TDRD1: variants seen among roughly 807,000 people sequenced by gnomAD.
The protein encoded by TDRD1 is tudor domain containing 1.
In TDRD1, 37 loss-of-function variants were observed where a neutral mutation model predicts 140.6. The ratio of observed to expected loss-of-function variants is 0.26; its 90% confidence interval spans 0.20 to 0.35. The LOEUF (loss-of-function observed/expected upper bound fraction) is 0.35, where lower values mean the gene tolerates loss of function less well. Among genes scored for constraint, TDRD1 ranks in the 10% least tolerant of loss-of-function variants. The probability of loss-of-function intolerance (pLI) is 1.00; values close to 1 mark genes in which losing one functional copy is unlikely to be tolerated. For synonymous variants in TDRD1, 506 were observed against 475.7 expected (o/e 1.06, Z -0.83); for missense variants, 1,243 against 1,393.0 (o/e 0.89, Z 1.71).
intron 1 of TDRD1, among the ~76,000 whole-genome samples, chr10:114,183,028 T>C (rs2033216619): frequency 6.6e-6 from 1 of 152,180 alleles, no homozygotes; most frequent in African/African-American, 2.4e-5. Context: ...TAAAGCACCA[T>C]GGTGGATATT....
rs1294983013 is a variant in TDRD1, at chr10:114,218,539, A to G, written c.2449A>G (p.Thr817Ala). 1.9e-6 allele frequency: 3 copies of G among 1,611,906 alleles called. No homozygotes were observed. In the African/African-American group the frequency reaches 4.0e-5, roughly 22 times the overall value. ...AGATGAACTCCGAATGATATCATCA[A>G]CATTTTTAAACCTTCCCTTTCAGGG... is the stretch of plus-strand genomic sequence containing the variant. The change falls in exon 18 of 26, where the codon ACA (threonine) becomes GCA (alanine). Residue 817 changes from threonine to alanine, a missense_variant. By Grantham distance (58) the Thr-to-Ala change is moderately conservative (BLOSUM62 0). Coordinates refer to ENST00000251864, the Ensembl canonical transcript of TDRD1.
chr10:114,203,172 T>A (rs1230514288), exon 7 of TDRD1: 2 of 1,607,308 alleles, frequency 1.2e-6, no homozygotes, highest in Non-Finnish European at 1.7e-6. Flanking sequence ...ACCATGGAAA[T>A]AAAGGTATTT....
chr10:114,206,301 A>C, exon 11 of TDRD1: 1 of 1,613,504 alleles, frequency 6.2e-7, no homozygotes, highest in Non-Finnish European at 8.5e-7. Context: ...CCCAGTGGAC[A>C]AGATTCTAAG....
rs938140798 is a variant in TDRD1 at position 114,192,292 on chromosome 10, C to CTTTTTTTTTTTTTTTTTTTTTTT, written c.384+1280_384+1302dup. 4.0e-5 allele frequency among the ~76,000 whole-genome samples: 3 copies of CTTTTTTTTTTTTTTTTTTTTTTT among 75,112 alleles called. 1 individual carries two copies. Among genetic ancestry groups the CTTTTTTTTTTTTTTTTTTTTTTT allele is most frequent in the African/African-American group, 1.8e-4 (3 of 16,944 alleles). 49.3% of individuals were successfully genotyped at this position (75,112 alleles called of 152,430 possible). ...TCCCCAAAAAAGTTTGATAGTTTTC[C>CTTTTTTTTTTTTTTTTTTTTTTT]TTTTTTTTTTTTTTTTTTTTTTTTT... is the stretch of plus-strand genomic sequence containing the variant. On this transcript the variant is annotated intron_variant, in intron 3 of 25. Transcript: ENST00000251864.
intron 25 of TDRD1, among the ~76,000 whole-genome samples, chr10:114,230,568 A>C (rs751310809): frequency 1.1e-4 from 16 of 152,210 alleles, no homozygotes; most frequent in Non-Finnish European, 1.9e-4. Flanking sequence ...CTTACGACTT[A>C]AAACAGTTGT....
chr10:114,206,306 T>C, exon 11 of TDRD1: 1 of 1,613,492 alleles, frequency 6.2e-7, no homozygotes, highest in Middle Eastern at 1.7e-4. Context: ...TGGACAAGAT[T>C]CTAAGAAGGA....
intron 21 of TDRD1, among the ~76,000 whole-genome samples, chr10:114,223,103 C>T (rs765265302): frequency 6.6e-6 from 1 of 152,152 alleles, no homozygotes; most frequent in Non-Finnish European, 1.5e-5. Flanking sequence ...TACTTTGATC[C>T]TTCTCCGTTT....
In TDRD1 at chr10:114,214,528, A is replaced by AAAAC. The variant is rs112766300; in HGVS notation, c.2212+430_2212+433dup. ...CAGCAGAGCTAGACCGTGTCTCTGG[A>AAAAC]AAACAAACAAACAAACAAAAAACAA... is the stretch of plus-strand genomic sequence containing the variant. On this transcript the variant is annotated intron_variant, in intron 16 of 25. Coordinates refer to ENST00000251864, the Ensembl canonical transcript of TDRD1. Among the ~76,000 whole-genome samples the AAAAC allele has an allele frequency of 5.1e-3, 772 of 152,254 alleles. 9 individuals carry two copies. Among genetic ancestry groups the AAAAC allele is most frequent in the African/African-American group, 0.018 (734 of 41,546 alleles).
chr10:114,223,314 A>G (rs762765395), intron 21 of TDRD1, among the ~76,000 whole-genome samples: 1 of 152,196 alleles, frequency 6.6e-6, no homozygotes, highest in Non-Finnish European at 1.5e-5. Flanking sequence ...ACGTGGGGCT[A>G]GAGCTGAGTT....
At chr10:114,179,512 C>G (rs2032850026) in intron 1 of TDRD1, 96 bp downstream of exon 1, 2 of 152,534 alleles carry the variant, frequency 1.3e-5, no homozygotes, top group African/African-American at 4.8e-5. Flanking sequence ...GGGCGCTGGA[C>G]GTTGAGGTTG....
exon 2 of TDRD1, chr10:114,188,020 AAAG>A: frequency 6.2e-7 from 1 of 1,614,220 alleles, no homozygotes; most frequent in Non-Finnish European, 8.5e-7. Flanking sequence ...ATGGAAATAA[AAAG>A]AACAATTTTT....
chr10:114,205,205 C>T (rs1022788002), intron 10 of TDRD1, among the ~76,000 whole-genome samples: 1 of 152,158 alleles, frequency 6.6e-6, no homozygotes, highest in Non-Finnish European at 1.5e-5. Context: ...ATTAGTTTGT[C>T]CTTATATCAG....
chr10:114,223,244 C>T (rs1314694740), intron 21 of TDRD1, among the ~76,000 whole-genome samples: 1 of 152,208 alleles, frequency 6.6e-6, no homozygotes, highest in Non-Finnish European at 1.5e-5. Context: ...GTCCAATTGG[C>T]AGGCAAGCAT....
At chr10:114,206,676 T>A (rs891222369) in intron 11 of TDRD1, among the ~76,000 whole-genome samples, 6 of 147,608 alleles carry the variant, frequency 4.1e-5, no homozygotes, top group Non-Finnish European at 8.9e-5. Flanking sequence ...TGCAATGGCA[T>A]GGTCTCGGCT....
chr10:114,179,058 T>C (rs2119843751), upstream of TDRD1, among the ~76,000 whole-genome samples: 1 of 152,348 alleles, frequency 6.6e-6, no homozygotes, highest in South Asian at 2.1e-4. Flanking sequence ...GTGACCCAAG[T>C]GACCTTCGAG....
At chr10:114,216,771 A>G (rs951629323) in intron 16 of TDRD1, among the ~76,000 whole-genome samples, 11 of 152,184 alleles carry the variant, frequency 7.2e-5, no homozygotes, top group East Asian at 1.9e-4. Context: ...ATCATTGTCT[A>G]TTGTGTGTCC....
intron 1 of TDRD1, among the ~76,000 whole-genome samples, chr10:114,184,584 G>A (rs537287023): frequency 9.2e-5 from 14 of 152,380 alleles, no homozygotes; most frequent in African/African-American, 2.9e-4. Flanking sequence ...TCTGTGGCCA[G>A]TAGTGTCGCT....
chr10:114,208,836 T>C (rs12775313), intron 11 of TDRD1, among the ~76,000 whole-genome samples: 24,566 of 151,548 alleles, frequency 0.16, 2,161 homozygotes, highest in Middle Eastern at 0.21. Flanking sequence ...TGCAGTGCTG[T>C]GATCTCAGCT....
rs1444034207 is a variant in TDRD1 at position 114,204,714 on chromosome 10, T to A, written c.1126-8T>A. The stretch of plus-strand genomic sequence containing the variant: ...ATTTTTGTAAGTAACCTGCGTAAAA[T>A]TTTTCAGGCCATAAAGTGCTTTGTA... On this transcript the variant is annotated splice_polypyrimidine_tract_variant and splice_region_variant and intron_variant, in intron 9 of 25. Coordinates refer to ENST00000251864, the Ensembl canonical transcript of TDRD1. 6.4e-7 allele frequency: 1 copy of A among 1,564,808 alleles called. No individual in the cohort carries two copies.
Sources: allele counts gnomAD v4.1 joint callset (sites outside exome capture counted in the v4.1 genomes callset), GRCh38; gene constraint gnomAD v4.1.1; transcripts MANE v1.5; gene names NCBI Gene and HGNC (gene_info 2026-07-23, HGNC 2026-07-21).